The following C11orf65 variants were observed in gnomAD, a reference collection of about 807,000 sequenced individuals.
The protein encoded by C11orf65 is chromosome 11 open reading frame 65, also known as protein MFI.
Under a neutral mutation model 35.3 loss-of-function variants are expected in C11orf65, and 38 were observed. The ratio of observed to expected loss-of-function variants is 1.08; its 90% confidence interval spans 0.83 to 1.41. The LOEUF is 1.41. Among genes scored for constraint, C11orf65 ranks in the 40% most tolerant of loss-of-function variants. The pLI, the probability that C11orf65 is intolerant of heterozygous loss-of-function variation, is 0.00. For synonymous variants in C11orf65, 105 were observed against 114.4 expected (o/e 0.92, Z 0.53); for missense variants, 370 against 367.1 (o/e 1.01, Z -0.06).
chr11:108,461,915 C>A (rs1315356291), intron 1 of C11orf65, among the ~76,000 whole-genome samples: 4 of 151,810 alleles, frequency 2.6e-5, no homozygotes, highest in African/African-American at 9.7e-5. Context: ...GCCACCGCGC[C>A]CAGCCTAAAA....
At chr11:108,337,828 A>T (rs1459679031) in intron 2 of C11orf65, among the ~76,000 whole-genome samples, 1 of 152,252 alleles carries the variant, frequency 6.6e-6, no homozygotes, top group African/African-American at 2.4e-5. Flanking sequence ...GAATTGGGTT[A>T]CAAAAGTATG....
downstream of C11orf65, among the ~76,000 whole-genome samples, chr11:108,328,128 A>G (rs987948779): frequency 6.6e-6 from 1 of 152,212 alleles, no homozygotes; most frequent in East Asian, 1.9e-4. Flanking sequence ...AAAGGCTTCA[A>G]TATACTAGCC....
chr11:108,439,588 T>C (rs2093118259), intron 2 of C11orf65, among the ~76,000 whole-genome samples: 1 of 152,228 alleles, frequency 6.6e-6, no homozygotes. Context: ...CATTAACAGA[T>C]GAATGGATAA....
At chr11:108,433,830 T>A (rs745996032) in intron 2 of C11orf65, among the ~76,000 whole-genome samples, 3 of 148,460 alleles carry the variant, frequency 2.0e-5, no homozygotes, top group Non-Finnish European at 3.0e-5. Flanking sequence ...GGGAAATCCT[T>A]CTACTGGGAC....
intron 2 of C11orf65, among the ~76,000 whole-genome samples, chr11:108,433,173 G>A (rs889432809): frequency 3.3e-5 from 5 of 152,090 alleles, no homozygotes; most frequent in African/African-American, 1.2e-4. Context: ...GTACCAAAGA[G>A]AGACTGGGTG....
intron 2 of C11orf65, among the ~76,000 whole-genome samples, chr11:108,374,413 C>T (rs546127743): frequency 7.2e-5 from 11 of 152,188 alleles, no homozygotes; most frequent in Non-Finnish European, 1.6e-4. Flanking sequence ...TCCAACAGAC[C>T]TGCAGCTGAG....
At chr11:108,446,158 G>A (rs2093253740) in intron 2 of C11orf65, among the ~76,000 whole-genome samples, 1 of 152,094 alleles carries the variant, frequency 6.6e-6, no homozygotes, top group Non-Finnish European at 1.5e-5. Flanking sequence ...ACGTCTGATT[G>A]GTGTACCTGA....
chr11:108,393,079 A>G, intron 7 of C11orf65, 129 bp downstream of exon 7: 1 of 988,496 alleles, frequency 1.0e-6, no homozygotes, highest in South Asian at 1.9e-5. Flanking sequence ...TAGACAAATA[A>G]TAGATACTCG....
intron 2 of C11orf65, among the ~76,000 whole-genome samples, chr11:108,350,284 T>G (rs1293296768): frequency 1.3e-5 from 2 of 152,128 alleles, no homozygotes; most frequent in South Asian, 4.1e-4. Flanking sequence ...ACAAGGAGAT[T>G]TGAAGCACTG....
Position 108,446,347 on chromosome 11 carries a change from G to C in C11orf65, c.82-14509C>G, listed in dbSNP as rs2093257547. 4.6e-5 allele frequency among the ~76,000 whole-genome samples: 7 copies of C among 151,490 alleles called. No individual in the cohort carries two copies. The South Asian group carries it at 1.5e-3, about 31-fold the overall frequency. The stretch of plus-strand genomic sequence containing the variant: ...CATAATTGTCAGATTCACCAAAGTT[G>C]AAATGAAGGAAAAAATGTTAAGGGC... On this transcript the variant is annotated intron_variant, in intron 2 of 8. Coordinates refer to ENST00000393084, the MANE Select transcript of C11orf65 (RefSeq NM_152587.5).
At chr11:108,430,487 G>A (rs1017240135) in intron 3 of C11orf65, among the ~76,000 whole-genome samples, 3 of 151,598 alleles carry the variant, frequency 2.0e-5, no homozygotes, top group African/African-American at 4.9e-5. Flanking sequence ...TATATTATGC[G>A]TACTTTACCA....
At chr11:108,404,123 C>G (rs1218377151) in intron 6 of C11orf65, among the ~76,000 whole-genome samples, 2 of 152,162 alleles carry the variant, frequency 1.3e-5, no homozygotes, top group Non-Finnish European at 2.9e-5. Flanking sequence ...CCATCAATCA[C>G]CATCCATCTA....
At chr11:108,427,648 G>A (rs1418563428) in intron 3 of C11orf65, among the ~76,000 whole-genome samples, 1 of 132,340 alleles carries the variant, frequency 7.6e-6, no homozygotes, top group Non-Finnish European at 1.6e-5. Flanking sequence ...CGTGAACCCG[G>A]GAGGCGGAGC....
chr11:108,445,794 G>A (rs1051758465), intron 2 of C11orf65, among the ~76,000 whole-genome samples: 1 of 150,822 alleles, frequency 6.6e-6, no homozygotes, highest in African/African-American at 2.4e-5. Context: ...CGAGCTGAGA[G>A]AAGAAGGCTT....
intron 3 of C11orf65, among the ~76,000 whole-genome samples, chr11:108,426,792 C>T (rs1387465046): frequency 6.6e-6 from 1 of 152,040 alleles, no homozygotes; most frequent in East Asian, 1.9e-4. Flanking sequence ...GTACTGATAC[C>T]AAAACAGATA....
rs1591128462 is a variant in C11orf65 at position 108,325,333 on chromosome 11, C to G, written c.641-16262G>C. On this transcript the variant is annotated intron_variant, in intron 6 of 6. Coordinates refer to the C11orf65 transcript ENST00000525729. ...AGATCAGTCACACATAGACAACTCTCTGAAGTATATATTAAGTGGCAGAAA... is the reference window on the plus strand; with the variant it reads ...AGATCAGTCACACATAGACAACTCTGTGAAGTATATATTAAGTGGCAGAAA... 1.3e-6 allele frequency: 2 copies of G among 1,597,450 alleles called. No homozygotes were observed. The highest frequency in any genetic ancestry group is 4.5e-5 in the East Asian group (2 of 43,992).
chr11:108,339,982 A>C (rs1009245729), intron 2 of C11orf65, among the ~76,000 whole-genome samples: 23 of 152,188 alleles, frequency 1.5e-4, no homozygotes, highest in Admixed American at 1.5e-3. Context: ...GTTGGGTTAG[A>C]TACTCTACTG....
chr11:108,464,142 G>GCCA (rs1242479184), intron 1 of C11orf65, among the ~76,000 whole-genome samples: 4 of 151,992 alleles, frequency 2.6e-5, no homozygotes, highest in Non-Finnish European at 5.9e-5. Flanking sequence ...GGCCAGGGTG[G>GCCA]GCTCGAACTG....
At chr11:108,397,193 T>C (rs1472765633) in intron 6 of C11orf65, among the ~76,000 whole-genome samples, 1 of 151,666 alleles carries the variant, frequency 6.6e-6, no homozygotes, top group Admixed American at 6.6e-5. Context: ...TGGTGGCATG[T>C]AGCTATAGTC....
Sources: allele counts gnomAD v4.1 joint callset (sites outside exome capture counted in the v4.1 genomes callset), GRCh38; gene constraint gnomAD v4.1.1; transcripts MANE v1.5; gene names NCBI Gene and HGNC (gene_info 2026-07-23, HGNC 2026-07-21).